The following TET3 variants were observed in gnomAD, a reference collection of about 807,000 sequenced individuals.
The protein encoded by TET3 is tet methylcytosine dioxygenase 3.
TET3 carries 19 observed loss-of-function variants against 141.4 expected under a neutral mutation model. The ratio of observed to expected loss-of-function variants is 0.13; its 90% CI spans 0.09 to 0.20. The LOEUF (loss-of-function observed/expected upper bound fraction) is 0.20. Ranked by LOEUF, TET3 falls within the 10% of genes least tolerant of loss-of-function variation. TET3 has a pLI of 1.00. For missense variants in TET3, 1,874 were observed against 2,356.9 expected, an observed-to-expected ratio of 0.80 and a Z score of 4.24; for synonymous variants, 1,043 against 980.9, an observed-to-expected ratio of 1.06 and a Z score of -1.18.
intron 6 of TET3, among the ~76,000 whole-genome samples, chr2:74,084,849 T>G (rs1362517621): frequency 2.0e-5 from 3 of 151,960 alleles, no homozygotes; most frequent in South Asian, 4.2e-4. Flanking sequence ...TGGGGAGAAT[T>G]GCCTGAGCCC....
intron 2 of TET3, among the ~76,000 whole-genome samples, chr2:73,987,129 G>A (rs11889554): frequency 0.018 from 2,713 of 152,324 alleles, 74 homozygotes; most frequent in African/African-American, 0.061. Flanking sequence ...GTGGTTTTAT[G>A]ATGCCCTGAT....
chr2:73,997,829 G>T (rs1310942753), intron 2 of TET3, among the ~76,000 whole-genome samples: 1 of 152,162 alleles, frequency 6.6e-6, no homozygotes. Context: ...TTGCTGTCTG[G>T]GGAGGGAGAC....
chr2:74,057,259 A>G (rs1224637235), intron 4 of TET3, among the ~76,000 whole-genome samples: 1 of 152,236 alleles, frequency 6.6e-6, no homozygotes, highest in Non-Finnish European at 1.5e-5. Flanking sequence ...GGAATGAACC[A>G]AAATCCTAAG....
intron 2 of TET3, among the ~76,000 whole-genome samples, chr2:74,001,580 A>G (rs1377061697): frequency 6.6e-6 from 1 of 152,126 alleles, no homozygotes; most frequent in Non-Finnish European, 1.5e-5. Context: ...AAGTGTGTGG[A>G]AGTCGCTTCC....
In TET3 at chr2:74,087,812, C is replaced by T. The variant is rs991563865; in HGVS notation, c.2680-18C>T. 11 of 1,538,294 alleles carry T rather than the reference C, an allele frequency of 7.2e-6. 1 individual carries two copies. Among genetic ancestry groups the T allele is most frequent in the Non-Finnish European group, 9.7e-6 (11 of 1,138,474 alleles). ...ACGGGTACCTGGCTCCTGCCCCTCA[C>T]ACCCTGCGTCCCTGCAGGTGATCCG... is the stretch of plus-strand genomic sequence containing the variant. On this transcript the variant is annotated intron_variant, in intron 6 of 11. Transcript: ENST00000409262. This position sits in a 1 kb window ranked among gnomAD's most constrained non-coding sequence, Gnocchi z 4.3.
intron 3 of TET3, among the ~76,000 whole-genome samples, chr2:74,020,658 C>T (rs865833259): frequency 1.3e-5 from 2 of 152,154 alleles, no homozygotes; most frequent in African/African-American, 2.4e-5. Flanking sequence ...TGTCTACCTG[C>T]CTTGGAGGGA....
chr2:74,097,378 G>A (rs113589090), intron 10 of TET3, among the ~76,000 whole-genome samples: 71 of 152,256 alleles, frequency 4.7e-4, no homozygotes, highest in African/African-American at 1.6e-3. Flanking sequence ...ATGACAAGTC[G>A]TATATAGTAG....
intron 2 of TET3, among the ~76,000 whole-genome samples, chr2:74,000,313 C>T (rs577136244): frequency 2.6e-5 from 4 of 152,254 alleles, no homozygotes; most frequent in African/African-American, 7.2e-5. Flanking sequence ...CTGTGCAGAG[C>T]CTAGGAAAGT....
At chr2:74,073,409 C>CTCAA in intron 4 of TET3, 140 bp from the exon 5 acceptor site, 1 of 532,236 alleles carries the variant, frequency 1.9e-6, no homozygotes, top group Non-Finnish European at 3.3e-6. Flanking sequence ...TGGAGTTGAA[C>CTCAA]ACCTTTTCAC....
At position 74,102,041 on chromosome 2, in the gene TET3, T is replaced by A; in HGVS notation, c.5253T>A (p.Val1751=). The change falls in exon 12 of 12, where the codon GTT becomes GTA. Residue 1751 remains valine (V), a synonymous_variant. Coordinates refer to ENST00000409262, the MANE Select transcript of TET3 (RefSeq NM_001287491.2). ...GKKRKWGGTV[V]AEPQQKEKKG... ...AGCGCAAGTGGGGGGGCACTGTGGT[T>A]GCTGAGCCCCAGCAGAAAGAGAAGA... 6.5e-6 allele frequency: 10 copies of A among 1,546,450 alleles called. No individual in the cohort carries two copies. Among genetic ancestry groups the A allele is most frequent in the Non-Finnish European group, 7.8e-6 (9 of 1,146,972 alleles).
At chr2:74,035,652 A>T (rs1366810303) in intron 3 of TET3, among the ~76,000 whole-genome samples, 1 of 150,800 alleles carries the variant, frequency 6.6e-6, no homozygotes, top group African/African-American at 2.4e-5. Flanking sequence ...ACTTGAGCCC[A>T]GGAGGTGGAG....
intron 3 of TET3, among the ~76,000 whole-genome samples, chr2:74,008,768 TG>T (rs1553414803): frequency 1.3e-5 from 2 of 149,270 alleles, no homozygotes; most frequent in South Asian, 2.1e-4. Context: ...AAGGGAGGGG[TG>T]GGGGGAGGTA....
At chr2:74,061,909 C>G (rs923412518) in intron 4 of TET3, among the ~76,000 whole-genome samples, 4 of 150,996 alleles carry the variant, frequency 2.6e-5, no homozygotes, top group Admixed American at 2.0e-4. Flanking sequence ...GGATGGCGGC[C>G]GGGCAGAGAT....
intron 7 of TET3, among the ~76,000 whole-genome samples, chr2:74,089,129 C>G (rs1163296961): frequency 6.6e-6 from 1 of 151,982 alleles, no homozygotes; most frequent in Admixed American, 6.6e-5. Context: ...CCATCTTCCC[C>G]CCGAAGTGCC....
In TET3 at chr2:73,986,712, C is replaced by G. The variant is rs974891255; in HGVS notation, c.303+6C>G. On this transcript the variant is annotated splice_donor_region_variant and intron_variant, in intron 2 of 11. Transcript: ENST00000409262. ...AAGTAGGGCTTCTCAAGGAGGTAAG[C>G]CGGCCCTTGCTGGGCTACCCTGTTC... is the stretch of plus-strand genomic sequence containing the variant. 8.1e-7 allele frequency: 1 copy of G among 1,231,814 alleles called. No homozygotes were observed. The highest frequency in any genetic ancestry group is 1.0e-6 in the Non-Finnish European group (1 of 988,000). The allele number at this position is 1,231,814 out of a possible 1,614,324, so 76.3% of individuals were successfully genotyped here.
chr2:74,084,141 C>T (rs541419759), intron 6 of TET3, among the ~76,000 whole-genome samples: 1 of 152,312 alleles, frequency 6.6e-6, no homozygotes, highest in African/African-American at 2.4e-5. Flanking sequence ...TCTTGCCGTG[C>T]CTCAGAGCAG....
intron 6 of TET3, among the ~76,000 whole-genome samples, chr2:74,082,220 G>A (rs956617315): frequency 4.6e-5 from 7 of 152,124 alleles, no homozygotes; most frequent in South Asian, 2.1e-4. Flanking sequence ...TCTAGACCCC[G>A]GTTACAGTGG....
chr2:74,101,630 G>A lies in TET3; in HGVS notation c.4842G>A (p.Glu1614=), dbSNP rs942384183. 6.2e-7 allele frequency: 1 copy of A among 1,613,268 alleles called. No individual in the cohort carries two copies. The highest frequency in any genetic ancestry group is 1.3e-5 in the African/African-American group (1 of 74,922). The change falls in exon 12 of 12, where the codon GAG becomes GAA. Residue 1614 remains glutamate (E), a synonymous_variant. Transcript: ENST00000409262. The surrounding 1 kb of genome is among the most constrained non-coding windows in gnomAD (Gnocchi z 8.5). The part of the protein sequence containing the change: ...DPFSLEEGPA[E]EPPSKGAVKE... ...TCAGCCTGGAGGAGGGGCCGGCTGAGGAGCCCCCCAGCAAGGGAGCGGTGA... is the reference window on the plus strand; with the variant it reads ...TCAGCCTGGAGGAGGGGCCGGCTGAAGAGCCCCCCAGCAAGGGAGCGGTGA...
chr2:73,992,372 GGCGTGATCTTAGCTCACTGC>G (rs1156735969), intron 2 of TET3, among the ~76,000 whole-genome samples: 1 of 148,338 alleles, frequency 6.7e-6, no homozygotes. Context: ...GGACTGCAAT[GGCGTGATCTTAGCTCACTGC>G]AACTTCCACC....
Sources: gnomAD v4.1 joint callset for allele counts (sites outside exome capture counted in the v4.1 genomes callset) on GRCh38, gnomAD v4.1.1 for gene constraint, Gnocchi (gnomAD v3.1) non-coding constraint, MANE v1.5 for transcripts, NCBI Gene and HGNC (gene_info 2026-07-23, HGNC 2026-07-21) for gene names.